The following MAP1B variants were observed in gnomAD, a reference collection of about 807,000 sequenced individuals.
The protein encoded by MAP1B is microtubule-associated protein 1B.
Under a neutral mutation model 176.1 loss-of-function variants are expected in MAP1B, and 12 were observed. The observed-to-expected ratio is 0.07, with a 90% CI of 0.04 to 0.11. The LOEUF is 0.11. Among genes scored for constraint, MAP1B ranks in the 10% least tolerant of loss-of-function variants. The pLI is 1.00. For missense variants in MAP1B, 2,523 were observed against 2,990.5 expected (o/e 0.84, Z 3.65); for synonymous variants, 1,044 against 1,135.0 (o/e 0.92, Z 1.61).
intron 3 of MAP1B, among the ~76,000 whole-genome samples, chr5:72,185,760 T>A (rs1385147704): frequency 6.6e-6 from 1 of 152,200 alleles, no homozygotes; most frequent in Non-Finnish European, 1.5e-5. Flanking sequence ...GTACATGTGT[T>A]TTTTGCATGA....
At chr5:72,153,116 G>A (rs575858156) in intron 2 of MAP1B, among the ~76,000 whole-genome samples, 2 of 152,320 alleles carry the variant, frequency 1.3e-5, no homozygotes, top group South Asian at 4.1e-4. Context: ...AGTATTTGCC[G>A]AGCCACCTCG....
Position 72,198,165 on chromosome 5 carries a change from A to G in MAP1B, c.4810A>G (p.Thr1604Ala). ...GCAAACACCTACCACATTCCAGGAA[A>G]CAGAAATGTCTCCATCTAAAGAAGA... The part of the protein sequence containing the change: ...VVQTPTTFQE[T>A]EMSPSKEECP... Residue 1604 changes from threonine (T) to alanine (A), a missense_variant, in exon 5 of 7, where the codon ACA becomes GCA. Transcript: ENST00000296755. 1 of 1,614,200 alleles carries G rather than the reference A, an allele frequency of 6.2e-7. No individual in the cohort carries two copies. The highest frequency in any genetic ancestry group is 8.5e-7 in the Non-Finnish European group (1 of 1,180,022).
intron 1 of MAP1B, among the ~76,000 whole-genome samples, chr5:72,108,553 C>T (rs1457864520): frequency 2.0e-5 from 3 of 152,182 alleles, no homozygotes; most frequent in Non-Finnish European, 4.4e-5. Flanking sequence ...CTGCGGAGGC[C>T]GAATAGCGGT....
chr5:72,153,444 C>CT (rs972774930), intron 2 of MAP1B, among the ~76,000 whole-genome samples: 2 of 151,970 alleles, frequency 1.3e-5, no homozygotes, highest in Non-Finnish European at 2.9e-5. Flanking sequence ...GCAGTGGTCT[C>CT]TTGCCATTTC....
intron 1 of MAP1B, among the ~76,000 whole-genome samples, chr5:72,109,693 C>G (rs979777296): frequency 6.6e-6 from 1 of 152,138 alleles, no homozygotes; most frequent in Non-Finnish European, 1.5e-5. Flanking sequence ...GACAGAAGTA[C>G]CAGTACTGCA....
At chr5:72,190,970 C>T (rs1273918109) in intron 4 of MAP1B, among the ~76,000 whole-genome samples, 1 of 152,194 alleles carries the variant, frequency 6.6e-6, no homozygotes, top group Non-Finnish European at 1.5e-5. Context: ...TCCAGTATGC[C>T]TGCATTTAAT....
Position 72,197,424 on chromosome 5 carries a change from C to T in MAP1B, c.4069C>T (p.Pro1357Ser), listed in dbSNP as rs147375647. Reference sequence around the variant, plus strand: ...CCCTACAGAAGTCATTGAAAAACCACCAGCAGTTCCAGTGAGTTTTGAATT... The same window carrying T: ...CCCTACAGAAGTCATTGAAAAACCATCAGCAGTTCCAGTGAGTTTTGAATT... ...HLPTEVIEKP[P>S]AVPVSFEFSD... The change falls in exon 5 of 7, where the codon CCA (proline) becomes TCA (serine). Residue 1357 changes from proline (P) to serine (S), a missense_variant. Transcript: ENST00000296755. The T allele has an allele frequency of 8.9e-5, 143 of 1,614,206 alleles. 1 individual carries two copies. The East Asian group carries it at 3.1e-3, about 35-fold the overall frequency.
chr5:72,146,371 C>G (rs1746045529), intron 2 of MAP1B, among the ~76,000 whole-genome samples: 2 of 152,176 alleles, frequency 1.3e-5, no homozygotes, highest in Non-Finnish European at 2.9e-5. Context: ...CCTTGCCTTT[C>G]TCAGACGTAG....
At chr5:72,188,372 G>T (rs1422256812) in intron 4 of MAP1B, among the ~76,000 whole-genome samples, 1 of 152,208 alleles carries the variant, frequency 6.6e-6, no homozygotes, top group African/African-American at 2.4e-5. Flanking sequence ...CAATGACATG[G>T]TGAGCAGTTA....
At chr5:72,114,836 C>A (rs1416850255) in intron 1 of MAP1B, among the ~76,000 whole-genome samples, 1 of 152,158 alleles carries the variant, frequency 6.6e-6, no homozygotes, top group Non-Finnish European at 1.5e-5. Context: ...CTGTTCCTCT[C>A]ACCCTGGATA....
chr5:72,156,418 A>T (rs1579999050), intron 2 of MAP1B, among the ~76,000 whole-genome samples: 1 of 152,238 alleles, frequency 6.6e-6, no homozygotes, highest in African/African-American at 2.4e-5. Flanking sequence ...TCATCCTCTT[A>T]AAACGTAAAC....
At position 72,203,602 on chromosome 5, in the gene MAP1B, C is replaced by T. The variant is rs1300761514; in HGVS notation, c.7052C>T (p.Pro2351Leu). The stretch of plus-strand genomic sequence containing the variant: ...AAGACGACCAAGTCATCTGCTGTGC[C>T]CCCAGGCCTCCCTGTGTATTTGGAC... The part of the protein sequence containing the change: ...TTKTTKSSAV[P>L]PGLPVYLDLC... Residue 2351 changes from proline to leucine, a missense_variant, in exon 6 of 7, where the codon CCC (proline) becomes CTC (leucine). By Grantham distance (98) the Pro-to-Leu change is moderately conservative. Around this residue, in one of 4 missense-constraint regions of MAP1B, gnomAD observed 287 missense variants for 401.5 expected, o/e 0.71. Transcript: ENST00000296755. The T allele has an allele frequency of 2.5e-6, 4 of 1,614,032 alleles. No individual in the cohort carries two copies. The highest frequency in any genetic ancestry group is 1.7e-5 in the Admixed American group (1 of 60,010).
intron 2 of MAP1B, among the ~76,000 whole-genome samples, chr5:72,157,707 C>G (rs958442553): frequency 6.6e-6 from 1 of 152,214 alleles, no homozygotes; most frequent in Non-Finnish European, 1.5e-5. Context: ...TAAGTTTCCC[C>G]TAATAGATTC....
At chr5:72,171,329 T>C (rs1167247986) in intron 2 of MAP1B, among the ~76,000 whole-genome samples, 1 of 152,136 alleles carries the variant, frequency 6.6e-6, no homozygotes, top group African/African-American at 2.4e-5. Context: ...GGCTCACACT[T>C]GTAATCCCAG....
intron 2 of MAP1B, among the ~76,000 whole-genome samples, chr5:72,167,337 G>C (rs961071761): frequency 8.5e-5 from 13 of 152,174 alleles, no homozygotes; most frequent in Non-Finnish European, 1.6e-4. Flanking sequence ...TAGAAAGTTA[G>C]CAAGTTAAGT....
intron 2 of MAP1B, among the ~76,000 whole-genome samples, chr5:72,163,926 T>TTTC (rs1746375995): frequency 1.3e-5 from 1 of 75,576 alleles, no homozygotes; most frequent in African/African-American, 5.4e-5. Context: ...CTTTTTTTTT[T>TTTC]TTTCTTTTTT....
Position 72,208,963 on chromosome 5 carries a change from T to C in MAP1B, c.*3724T>C, listed in dbSNP as rs1580039169. The C allele has an allele frequency of 6.6e-6, 1 of 152,196 alleles. No homozygotes were observed. Among genetic ancestry groups the C allele is most frequent in the East Asian group, 1.9e-4 (1 of 5,198 alleles). The allele number at this position is 152,196 out of a possible 1,614,324, so 9.4% of individuals were successfully genotyped here. A position where few individuals can be genotyped will look rare whatever the true frequency, so the allele number is the denominator to read the frequency against. ...ATTTGAAAGGAACTGTAAGCTTTTATCTTTTAACCAACTGAACAATACACC... is the reference window on the plus strand; with the variant it reads ...ATTTGAAAGGAACTGTAAGCTTTTACCTTTTAACCAACTGAACAATACACC... On this transcript the variant is annotated 3_prime_UTR_variant, in exon 7 of 7. Transcript: ENST00000296755.
chr5:72,172,664 G>T (rs1206386428), intron 2 of MAP1B, among the ~76,000 whole-genome samples: 1 of 152,198 alleles, frequency 6.6e-6, no homozygotes, highest in Non-Finnish European at 1.5e-5. Flanking sequence ...ACTGGGAAAA[G>T]TTGTTTGAGC....
At chr5:72,140,609 T>C (rs1745930288) in intron 2 of MAP1B, among the ~76,000 whole-genome samples, 1 of 152,212 alleles carries the variant, frequency 6.6e-6, no homozygotes, top group South Asian at 2.1e-4. Context: ...CCTTTCTTTA[T>C]TAAGTTAATT....
Sources: allele counts gnomAD v4.1 joint callset (sites outside exome capture counted in the v4.1 genomes callset), GRCh38; gene constraint gnomAD v4.1.1; regional missense constraint gnomAD v4.1.1; transcripts MANE v1.5; gene names NCBI Gene and HGNC (gene_info 2026-07-23, HGNC 2026-07-21).